CCDC172: variants seen among roughly 807,000 people sequenced by gnomAD.
CCDC172 encodes the protein coiled-coil domain-containing protein 172.
Under a neutral mutation model 38.0 loss-of-function variants are expected in CCDC172, and 30 were observed. The ratio of observed to expected loss-of-function variants is 0.79; its 90% confidence interval spans 0.59 to 1.07. The LOEUF is 1.07. Among genes scored for constraint, CCDC172 ranks in the 50% least tolerant of loss-of-function variants. The pLI is 0.00. For missense variants in CCDC172, 297 were observed against 290.1 expected, an observed-to-expected ratio of 1.02 and a Z score of -0.17; for synonymous variants, 78 against 88.3, an observed-to-expected ratio of 0.88 and a Z score of 0.66.
chr10:116,365,632 C>T (rs74158443), intron 7 of CCDC172, among the ~76,000 whole-genome samples: 5,800 of 152,130 alleles, frequency 0.038, 162 homozygotes, highest in East Asian at 0.11. Context: ...ATTTATCTTT[C>T]CTTATTAAGC....
intron 5 of CCDC172, among the ~76,000 whole-genome samples, chr10:116,352,251 T>C (rs1399436830): frequency 6.6e-6 from 1 of 152,174 alleles, no homozygotes; most frequent in Non-Finnish European, 1.5e-5. Context: ...CTTACCTGCC[T>C]ACTAAAACAA....
chr10:116,366,455 T>C (rs1368883780), intron 7 of CCDC172, among the ~76,000 whole-genome samples: 7 of 152,220 alleles, frequency 4.6e-5, no homozygotes, highest in Non-Finnish European at 1.0e-4. Context: ...GCACAATCTA[T>C]TGGTTATTTG....
At chr10:116,334,483 A>G (rs1365058074) in intron 3 of CCDC172, among the ~76,000 whole-genome samples, 1 of 152,136 alleles carries the variant, frequency 6.6e-6, no homozygotes, top group East Asian at 1.9e-4. Context: ...AAATGGATTT[A>G]TATTTTTCTT....
In CCDC172 at chr10:116,347,628, T is replaced by C. The variant is rs1844883261; in HGVS notation, c.448+5427T>C. ...GAGAGCTTCACTCTGACATCATGAT[T>C]AACAATGAAACTCTAGAAGTATTTC... On this transcript the variant is annotated intron_variant, in intron 5 of 8. Coordinates refer to ENST00000333254, the MANE Select transcript of CCDC172 (RefSeq NM_198515.3). Among the ~76,000 whole-genome samples the C allele has an allele frequency of 2.0e-5, 3 of 152,068 alleles. No homozygotes were observed. In the South Asian group the frequency reaches 6.2e-4, roughly 32 times the overall value.
intron 3 of CCDC172, among the ~76,000 whole-genome samples, chr10:116,333,117 A>AT (rs1004845498): frequency 3.3e-5 from 5 of 151,190 alleles, no homozygotes; most frequent in Admixed American, 6.6e-5. Flanking sequence ...ATTGATTACA[A>AT]TTTTTTTTTC....
intron 7 of CCDC172, among the ~76,000 whole-genome samples, chr10:116,361,865 T>C (rs974074651): frequency 2.6e-5 from 4 of 152,148 alleles, no homozygotes; most frequent in African/African-American, 4.8e-5. Context: ...AATAAATATG[T>C]ATATTTTCAC....
chr10:116,342,166 C>G lies in CCDC172; in HGVS notation c.413C>G (p.Ser138Cys), dbSNP rs778200621. 2 of 1,537,510 alleles carry G rather than the reference C, an allele frequency of 1.3e-6. No homozygotes were observed. The highest frequency in any genetic ancestry group is 4.8e-5 in the Admixed American group (2 of 41,746). Reference sequence around the variant, plus strand: ...AAAGAAAATGTCAAGATTGAAATATCTGACTTAGAAAACCAAGCAAACATG... The same window carrying G: ...AAAGAAAATGTCAAGATTGAAATATGTGACTTAGAAAACCAAGCAAACATG... Reference protein sequence around the residue: ...LMKENVKIEISDLENQANMLK... With the variant: ...LMKENVKIEICDLENQANMLK... The change falls in exon 5 of 9, where the codon TCT becomes TGT. Residue 138 changes from serine (S) to cysteine (C), a missense_variant. Transcript: ENST00000333254.
intron 7 of CCDC172, among the ~76,000 whole-genome samples, chr10:116,358,282 A>G (rs1017341633): frequency 6.6e-6 from 1 of 152,126 alleles, no homozygotes; most frequent in East Asian, 1.9e-4. Context: ...TAATCTTTCT[A>G]GATTCCAGCG....
intron 7 of CCDC172, among the ~76,000 whole-genome samples, chr10:116,358,585 A>T (rs767886582): frequency 2.3e-4 from 35 of 152,300 alleles, no homozygotes; most frequent in Middle Eastern, 3.4e-3. Context: ...TACTGGATCT[A>T]TGAAGAAGCA....
At chr10:116,347,008 T>C (rs1364374527) in intron 5 of CCDC172, among the ~76,000 whole-genome samples, 2 of 152,144 alleles carry the variant, frequency 1.3e-5, no homozygotes, top group South Asian at 2.1e-4. Context: ...CCTGAACAAG[T>C]TGCCTTCAGA....
chr10:116,351,231 T>C (rs541840237), intron 5 of CCDC172, among the ~76,000 whole-genome samples: 9 of 152,270 alleles, frequency 5.9e-5, no homozygotes, highest in Admixed American at 5.9e-4. Flanking sequence ...ATCTGTTGAA[T>C]ATTGTGTTAT....
chr10:116,359,111 T>C (rs552794949), intron 7 of CCDC172, among the ~76,000 whole-genome samples: 1 of 152,322 alleles, frequency 6.6e-6, no homozygotes, highest in South Asian at 2.1e-4. Context: ...TTTTCATTCA[T>C]TGATATGTGT....
intron 7 of CCDC172, among the ~76,000 whole-genome samples, chr10:116,366,137 A>G (rs1302171117): frequency 6.6e-6 from 1 of 152,138 alleles, no homozygotes. Flanking sequence ...AACTATATGT[A>G]ATTTCTAAAG....
At chr10:116,340,503 G>T (rs1019337617) in intron 3 of CCDC172, among the ~76,000 whole-genome samples, 17 of 151,756 alleles carry the variant, frequency 1.1e-4, no homozygotes, top group African/African-American at 3.9e-4. Flanking sequence ...TGCCCTTGAG[G>T]AGCCTATAGT....
Position 116,339,648 on chromosome 10 carries a change from G to A in CCDC172, c.166-1086G>A, listed in dbSNP as rs572210789. Among the ~76,000 whole-genome samples, 3 of 151,872 alleles carry A rather than the reference G, an allele frequency of 2.0e-5. No homozygotes were observed. The South Asian group carries it at 6.2e-4, about 32-fold the overall frequency. ...AACAGTACCAAGTACTGAAGATATG[G>A]GCAGATGGGCTACGATCTTATATAA... On this transcript the variant is annotated intron_variant, in intron 3 of 8. Coordinates refer to ENST00000333254, the MANE Select transcript of CCDC172 (RefSeq NM_198515.3).
intron 5 of CCDC172, among the ~76,000 whole-genome samples, chr10:116,355,497 C>CA (rs1844985220): frequency 6.6e-6 from 1 of 152,068 alleles, no homozygotes; most frequent in African/African-American, 2.4e-5. Flanking sequence ...TCCCTGTTGT[C>CA]AAACAACACA....
intron 7 of CCDC172, among the ~76,000 whole-genome samples, chr10:116,377,222 A>G (rs1057327925): frequency 6.6e-6 from 1 of 152,182 alleles, no homozygotes; most frequent in African/African-American, 2.4e-5. Flanking sequence ...ATTTTTCTAG[A>G]ATCATTTCAA....
At chr10:116,367,355 A>G (rs546369211) in intron 7 of CCDC172, among the ~76,000 whole-genome samples, 1 of 152,290 alleles carries the variant, frequency 6.6e-6, no homozygotes, top group East Asian at 1.9e-4. Context: ...TCAAAACATC[A>G]CACTGTATCC....
At chr10:116,370,217 CTT>C (rs1231306247) in intron 7 of CCDC172, among the ~76,000 whole-genome samples, 1 of 150,118 alleles carries the variant, frequency 6.7e-6, no homozygotes, top group African/African-American at 2.4e-5. Context: ...ATTTAATACT[CTT>C]TTCTTTTATT....
Sources: gnomAD v4.1 joint callset for allele counts (sites outside exome capture counted in the v4.1 genomes callset) on GRCh38, gnomAD v4.1.1 for gene constraint, MANE v1.5 for transcripts, NCBI Gene and HGNC (gene_info 2026-07-23, HGNC 2026-07-21) for gene names.